Variants in R3HDM2 observed in about 807,000 individuals in gnomAD.
The protein encoded by R3HDM2 is R3H domain containing 2.
Under a neutral mutation model 124.5 loss-of-function variants are expected in R3HDM2, and 38 were observed. The observed-to-expected ratio is 0.31, with a 90% confidence interval of 0.24 to 0.40. The LOEUF is 0.40. Ranked by LOEUF, R3HDM2 falls within the 10% of genes least tolerant of loss-of-function variation. R3HDM2 has a pLI of 1.00. For missense variants in R3HDM2, 869 were observed against 1,236.9 expected, an observed-to-expected ratio of 0.70 and a Z score of 4.46; for synonymous variants, 391 against 448.0, an observed-to-expected ratio of 0.87 and a Z score of 1.61.
chr12:57,372,005 T>C (rs1007010869), intron 2 of R3HDM2, among the ~76,000 whole-genome samples: 1 of 152,168 alleles, frequency 6.6e-6, no homozygotes, highest in East Asian at 1.9e-4. Flanking sequence ...GTAGGTGGGA[T>C]TGCAGGCATG....
chr12:57,419,766 T>C (rs1655262073), intron 1 of R3HDM2, among the ~76,000 whole-genome samples: 1 of 152,020 alleles, frequency 6.6e-6, no homozygotes, highest in Non-Finnish European at 1.5e-5. Context: ...TTAATACCTC[T>C]AGGTCTTTGC....
Position 57,258,913 on chromosome 12 carries a change from A to G in R3HDM2, c.2278T>C (p.Tyr760His). 1 of 1,609,366 alleles carries G rather than the reference A, an allele frequency of 6.2e-7. No individual in the cohort carries two copies. Among genetic ancestry groups the G allele is most frequent in the Non-Finnish European group, 8.5e-7 (1 of 1,178,494 alleles). ...DQRGQKPGDL[Y>H]SPDSSPQANT... ...ACCTGGGGGCTGCTGTCAGGACTGT[A>G]CAGGTCTCCAGGCTTCTGCCCCCGC... The change falls in exon 20 of 24, where the codon TAC becomes CAC. Residue 760 changes from tyrosine (Y) to histidine (H), a missense_variant. By Grantham distance (83) the Tyr-to-His change is moderately conservative. Around this residue, in one of 2 missense-constraint regions of R3HDM2, gnomAD observed 602 missense variants for 789.2 expected, o/e 0.76. Transcript: ENST00000402412.
At chr12:57,366,476 G>C (rs1253053429) in intron 2 of R3HDM2, among the ~76,000 whole-genome samples, 1 of 152,030 alleles carries the variant, frequency 6.6e-6, no homozygotes, top group Non-Finnish European at 1.5e-5. Flanking sequence ...TTAGATTTTG[G>C]TCATTTTTAT....
At chr12:57,413,253 A>G (rs2139341701) in intron 1 of R3HDM2, among the ~76,000 whole-genome samples, 1 of 152,194 alleles carries the variant, frequency 6.6e-6, no homozygotes. Flanking sequence ...CCCATCTCCC[A>G]TGGCAAGTCA....
At chr12:57,351,769 GA>G (rs1263504946) in intron 2 of R3HDM2, among the ~76,000 whole-genome samples, 1 of 152,132 alleles carries the variant, frequency 6.6e-6, no homozygotes, top group African/African-American at 2.4e-5. Context: ...ACATGGCACA[GA>G]GTAGGAACTT....
chr12:57,270,843 A>C (rs2043442736), intron 14 of R3HDM2, among the ~76,000 whole-genome samples: 1 of 152,172 alleles, frequency 6.6e-6, no homozygotes, highest in African/African-American at 2.4e-5. Flanking sequence ...TGCTGGGATT[A>C]CAGGTGTGAG....
At chr12:57,337,552 G>A (rs1020707546) in intron 2 of R3HDM2, among the ~76,000 whole-genome samples, 2 of 152,170 alleles carry the variant, frequency 1.3e-5, no homozygotes, top group African/African-American at 4.8e-5. Context: ...TTAAGTCACT[G>A]CAAAGAAAGT....
rs139748500 is a variant in R3HDM2 at position 57,333,105 on chromosome 12, G to C, written c.-35-22642C>G. On this transcript the variant is annotated intron_variant, in intron 2 of 23. Transcript: ENST00000402412. ...GAATGAATCATTCTTATTCTCTTGG[G>C]CATTAAAATAGGAAAAGGAACATGC... is the stretch of plus-strand genomic sequence containing the variant. Among the ~76,000 whole-genome samples the C allele has an allele frequency of 8.4e-3, 1,285 of 152,196 alleles. 14 individuals are homozygous for C. Among genetic ancestry groups the C allele is most frequent in the Non-Finnish European group, 0.014 (946 of 68,018 alleles).
At chr12:57,298,673 A>C (rs1592924841) in intron 6 of R3HDM2, among the ~76,000 whole-genome samples, 1 of 152,036 alleles carries the variant, frequency 6.6e-6, no homozygotes, top group African/African-American at 2.4e-5. Context: ...AAAAAAAAAA[A>C]AAACCAGGCC....
At chr12:57,399,851 T>A (rs1258850342) in intron 1 of R3HDM2, among the ~76,000 whole-genome samples, 1 of 152,208 alleles carries the variant, frequency 6.6e-6, no homozygotes, top group Non-Finnish European at 1.5e-5. Context: ...ATAGGAGCTA[T>A]GACAGCTACC....
intron 12 of R3HDM2, among the ~76,000 whole-genome samples, chr12:57,288,294 G>A (rs1382810706): frequency 4.0e-5 from 6 of 151,850 alleles, no homozygotes; most frequent in Non-Finnish European, 5.9e-5. Flanking sequence ...GTGAGTCACC[G>A]CGCCTGGCCA....
At chr12:57,378,737 T>G (rs2064418925) in intron 2 of R3HDM2, among the ~76,000 whole-genome samples, 1 of 152,140 alleles carries the variant, frequency 6.6e-6, no homozygotes, top group African/African-American at 2.4e-5. Flanking sequence ...GGGTATATAT[T>G]CAAAAGAATT....
chr12:57,396,326 A>G (rs946431465), intron 1 of R3HDM2, among the ~76,000 whole-genome samples: 3 of 152,058 alleles, frequency 2.0e-5, no homozygotes, highest in African/African-American at 7.2e-5. Context: ...CTGTAATCCT[A>G]GCTGCTGGGG....
intron 2 of R3HDM2, among the ~76,000 whole-genome samples, chr12:57,340,589 A>T (rs1370603308): frequency 2.0e-5 from 3 of 152,236 alleles, no homozygotes; most frequent in African/African-American, 7.2e-5. Flanking sequence ...GAACTATCAT[A>T]GAAAAATAAG....
At chr12:57,395,361 G>A (rs575739588) in intron 2 of R3HDM2, among the ~76,000 whole-genome samples, 57 of 118,830 alleles carry the variant, frequency 4.8e-4, no homozygotes, top group African/African-American at 1.4e-3. Flanking sequence ...AAAACTAGCC[G>A]GGCGTGGTGG....
intron 11 of R3HDM2, among the ~76,000 whole-genome samples, chr12:57,291,783 AC>A (rs1377269188): frequency 2.6e-5 from 4 of 152,136 alleles, no homozygotes; most frequent in Non-Finnish European, 5.9e-5. Context: ...ATATCTGGAT[AC>A]TACATTTTCT....
chr12:57,404,480 G>A (rs1037585534), intron 1 of R3HDM2, among the ~76,000 whole-genome samples: 7 of 151,596 alleles, frequency 4.6e-5, no homozygotes, highest in Admixed American at 1.3e-4. Context: ...GGCAGATCAC[G>A]AGGTCAAGAG....
chr12:57,370,941 A>C (rs1483724347), intron 2 of R3HDM2, among the ~76,000 whole-genome samples: 4 of 152,148 alleles, frequency 2.6e-5, no homozygotes, highest in African/African-American at 9.7e-5. Context: ...ATAATAAAAG[A>C]AATCACTGAG....
chr12:57,376,784 T>C (rs1328245409), intron 2 of R3HDM2, among the ~76,000 whole-genome samples: 1 of 151,746 alleles, frequency 6.6e-6, no homozygotes, highest in Non-Finnish European at 1.5e-5. Context: ...GTCCCATCTC[T>C]ACTAAAAAAT....
Sources: gnomAD v4.1 joint callset for allele counts (sites outside exome capture counted in the v4.1 genomes callset) on GRCh38, gnomAD v4.1.1 for gene constraint, gnomAD v4.1.1 regional missense constraint, MANE v1.5 for transcripts, NCBI Gene and HGNC (gene_info 2026-07-23, HGNC 2026-07-21) for gene names.